Variants in LHFPL2 observed in about 807,000 individuals in gnomAD.
The protein encoded by LHFPL2 is LHFPL tetraspan subfamily member 2 protein.
LHFPL2 carries 7 observed loss-of-function variants against 17.5 expected under a neutral mutation model. The observed-to-expected ratio is 0.40, with a 90% CI of 0.23 to 0.75. The LOEUF (loss-of-function observed/expected upper bound fraction) is 0.75, where lower values mean the gene tolerates loss of function less well. LHFPL2 is among the 30% of genes least tolerant of loss of function. LHFPL2 has a pLI of 0.37. For missense variants in LHFPL2, 241 were observed against 294.8 expected, an observed-to-expected ratio of 0.82 and a Z score of 1.34; for synonymous variants, 134 against 116.2, an observed-to-expected ratio of 1.15 and a Z score of -0.99.
chr5:78,547,410 C>T (rs2112386660), intron 3 of LHFPL2, among the ~76,000 whole-genome samples: 1 of 152,358 alleles, frequency 6.6e-6, no homozygotes, highest in South Asian at 2.1e-4. Context: ...ACAGTGTTTA[C>T]ATGGCTGTGC....
In LHFPL2 at chr5:78,646,491, T is replaced by C. The variant is rs575725641; in HGVS notation, c.-350+2008A>G. On this transcript the variant is annotated intron_variant, in intron 1 of 4. Transcript: ENST00000380345. ...AATTATCCGAGCTGAATTATTATCA[T>C]CACCATTTTATAGACACAGAAACAG... Among the ~76,000 whole-genome samples the C allele has an allele frequency of 9.8e-5, 15 of 152,314 alleles. No individual in the cohort carries two copies. In the South Asian group the frequency reaches 2.9e-3, roughly 29 times the overall value.
chr5:78,573,029 C>G (rs1172719181), intron 2 of LHFPL2, among the ~76,000 whole-genome samples: 4 of 152,156 alleles, frequency 2.6e-5, no homozygotes, highest in African/African-American at 9.7e-5. Context: ...CTCGCCTGGT[C>G]CTGCTGTGCA....
intron 3 of LHFPL2, among the ~76,000 whole-genome samples, chr5:78,554,285 C>T (rs1368361368): frequency 1.3e-5 from 2 of 152,258 alleles, no homozygotes; most frequent in Non-Finnish European, 2.9e-5. Context: ...TTTGGCCCCA[C>T]AAGGAGTTGG....
intron 4 of LHFPL2, among the ~76,000 whole-genome samples, chr5:78,506,708 CCT>C (rs1316705576): frequency 6.6e-6 from 1 of 152,076 alleles, no homozygotes; most frequent in Non-Finnish European, 1.5e-5. Context: ...TAGCTCAGTC[CCT>C]CTTTTTTATG....
intron 4 of LHFPL2, among the ~76,000 whole-genome samples, chr5:78,493,506 G>C (rs866809113): frequency 6.6e-6 from 1 of 152,208 alleles, no homozygotes; most frequent in Non-Finnish European, 1.5e-5. Flanking sequence ...AGGGATTTTT[G>C]TGTATTTAGT....
At position 78,621,426 on chromosome 5, in the gene LHFPL2, G is replaced by A. The variant is rs55771009; in HGVS notation, c.-245+10838C>T. Among the ~76,000 whole-genome samples the A allele has an allele frequency of 4.4e-3, 668 of 152,124 alleles. 3 individuals are homozygous for A. The highest frequency in any genetic ancestry group is 0.015 in the African/African-American group (631 of 41,498). ...AGCACAGATGCCTGCCTGCATCTCG[G>A]TGGAGTTACTTTCTTCCTTGCAGTA... On this transcript the variant is annotated intron_variant, in intron 2 of 4. Coordinates refer to ENST00000380345, the MANE Select transcript of LHFPL2 (RefSeq NM_005779.3).
intron 3 of LHFPL2, among the ~76,000 whole-genome samples, chr5:78,540,494 G>A (rs1229837454): frequency 6.6e-6 from 1 of 152,162 alleles, no homozygotes; most frequent in Non-Finnish European, 1.5e-5. Context: ...TCCTTTTTAG[G>A]AACCACCATA....
At chr5:78,520,471 CA>C (rs1755419810) in intron 3 of LHFPL2, among the ~76,000 whole-genome samples, 1 of 152,218 alleles carries the variant, frequency 6.6e-6, no homozygotes, top group Non-Finnish European at 1.5e-5. Context: ...AGCATATGAC[CA>C]CCTCTTCTAC....
chr5:78,510,054 GGGA>G lies in LHFPL2; in HGVS notation c.157_159del (p.Ser53del). 6.2e-7 allele frequency: 1 copy of G among 1,610,124 alleles called. No homozygotes were observed. The highest frequency in any genetic ancestry group is 8.5e-7 in the Non-Finnish European group (1 of 1,178,336). On this transcript the variant is annotated inframe_deletion, in exon 4 of 5. Transcript: ENST00000380345. ...CCCAGGGTGGGGTGGTAGGGCTCCG[GGGA>G]GCCCCCGCCCGGGCCCGCCGGCTCC...
rs145996148 is a variant in LHFPL2 at position 78,629,229 on chromosome 5, A to G, written c.-245+3035T>C. Among the ~76,000 whole-genome samples, 882 of 152,378 alleles carry G rather than the reference A, an allele frequency of 5.8e-3. 8 individuals are homozygous for G. Among genetic ancestry groups the G allele is most frequent in the African/African-American group, 0.02 (829 of 41,588 alleles). On this transcript the variant is annotated intron_variant, in intron 2 of 4. Coordinates refer to ENST00000380345, the MANE Select transcript of LHFPL2 (RefSeq NM_005779.3). ...AGTCATTTCTTAACTGAAAGGGGAC[A>G]TGATAATGATAAAACAATACCTCCT... is the stretch of plus-strand genomic sequence containing the variant.
intron 2 of LHFPL2, among the ~76,000 whole-genome samples, chr5:78,609,830 G>C (rs868496606): frequency 1.4e-5 from 2 of 146,956 alleles, no homozygotes; most frequent in Middle Eastern, 3.5e-3. Flanking sequence ...AAGAAAAAAA[G>C]TCATTGGTGT....
At chr5:78,646,968 C>CA (rs1745906170) in intron 1 of LHFPL2, among the ~76,000 whole-genome samples, 1 of 152,210 alleles carries the variant, frequency 6.6e-6, no homozygotes, top group Admixed American at 6.5e-5. Context: ...TCTCCTACAA[C>CA]ACACAATGTC....
intron 3 of LHFPL2, among the ~76,000 whole-genome samples, chr5:78,543,790 T>C (rs1293984841): frequency 1.3e-5 from 2 of 152,186 alleles, no homozygotes; most frequent in African/African-American, 4.8e-5. Context: ...GATGTGTGTA[T>C]AGTGACAAGG....
chr5:78,614,232 C>T (rs1744521481), intron 2 of LHFPL2, among the ~76,000 whole-genome samples: 1 of 152,224 alleles, frequency 6.6e-6, no homozygotes, highest in Admixed American at 6.5e-5. Flanking sequence ...GGCAGCCTGG[C>T]CTGATCTGCC....
At chr5:78,597,293 G>A (rs1743856564) in intron 2 of LHFPL2, among the ~76,000 whole-genome samples, 1 of 152,152 alleles carries the variant, frequency 6.6e-6, no homozygotes, top group Admixed American at 6.5e-5. Flanking sequence ...TGGGGGCATT[G>A]TATGAAAAGA....
At chr5:78,573,193 T>C (rs867982541) in intron 2 of LHFPL2, among the ~76,000 whole-genome samples, 2 of 152,280 alleles carry the variant, frequency 1.3e-5, no homozygotes, top group Middle Eastern at 3.4e-3. Flanking sequence ...ACAAGATCCA[T>C]GAACAGAATT....
chr5:78,510,058 G>GC lies in LHFPL2; in HGVS notation c.155dup (p.Ser53LeufsTer159), dbSNP rs1755060754. 1 of 1,607,124 alleles carries GC rather than the reference G, an allele frequency of 6.2e-7. No homozygotes were observed. The highest frequency in any genetic ancestry group is 1.3e-5 in the African/African-American group (1 of 74,798). Reference sequence around the variant, plus strand: ...GGGTGGGGTGGTAGGGCTCCGGGGAGCCCCCGCCCGGGCCCGCCGGCTCCA... The same window carrying GC: ...GGGTGGGGTGGTAGGGCTCCGGGGAGCCCCCCGCCCGGGCCCGCCGGCTCCA... On this transcript the variant is annotated frameshift_variant, in exon 4 of 5. Transcript: ENST00000380345. LOFTEE classifies it high-confidence loss of function.
At chr5:78,610,759 T>C (rs1465231712) in intron 2 of LHFPL2, among the ~76,000 whole-genome samples, 1 of 152,150 alleles carries the variant, frequency 6.6e-6, no homozygotes. Flanking sequence ...CCTCCCACGC[T>C]TGCTCCCTCC....
chr5:78,533,066 G>T (rs915656671), intron 3 of LHFPL2, among the ~76,000 whole-genome samples: 1 of 152,254 alleles, frequency 6.6e-6, no homozygotes, highest in Non-Finnish European at 1.5e-5. Flanking sequence ...CAGCCTTACC[G>T]ATGTGGCCGA....
Sources: gnomAD v4.1 joint callset for allele counts (sites outside exome capture counted in the v4.1 genomes callset) on GRCh38, gnomAD v4.1.1 for gene constraint, MANE v1.5 for transcripts, NCBI Gene and HGNC (gene_info 2026-07-23, HGNC 2026-07-21) for gene names.